POC1B: variants seen among roughly 807,000 people sequenced by gnomAD.
POC1B encodes the protein POC1 centriolar protein homolog B.
A neutral mutation model predicts 60.6 loss-of-function variants in POC1B; 44 were observed. The ratio of observed to expected loss-of-function variants is 0.73; its 90% confidence interval spans 0.57 to 0.93. The LOEUF (loss-of-function observed/expected upper bound fraction) is 0.93, where lower values mean the gene tolerates loss of function less well. Ranked by LOEUF, POC1B falls within the 40% of genes least tolerant of loss-of-function variation. The probability of loss-of-function intolerance (pLI) is 0.00; values close to 1 mark genes in which losing one functional copy is unlikely to be tolerated. For synonymous variants in POC1B, 180 were observed against 198.9 expected, an observed-to-expected ratio of 0.90 and a Z score of 0.80; for missense variants, 555 against 572.3, an observed-to-expected ratio of 0.97 and a Z score of 0.31.
downstream of POC1B, among the ~76,000 whole-genome samples, chr12:89,418,571 T>TG (rs1246125074): frequency 6.6e-6 from 1 of 152,130 alleles, no homozygotes; most frequent in Non-Finnish European, 1.5e-5. Context: ...CTGTTGGAGA[T>TG]GGGGCTTAAG....
the POC1B span, among the ~76,000 whole-genome samples, chr12:89,402,338 T>TACACAC: frequency 4.7e-5 from 7 of 148,928 alleles, no homozygotes; most frequent in African/African-American, 1.2e-4. Flanking sequence ...TTATCACAAA[T>TACACAC]ACACACACAC....
chr12:89,403,959 C>T, the POC1B span, among the ~76,000 whole-genome samples: 1 of 152,068 alleles, frequency 6.6e-6, no homozygotes, highest in Non-Finnish European at 1.5e-5. Context: ...ATGGGGAAAC[C>T]CTGTCTCTAC....
chr12:89,471,739 A>AAGAATAAG lies in POC1B; in HGVS notation c.561-18_561-11dup. 6.8e-7 allele frequency: 1 copy of AAGAATAAG among 1,465,782 alleles called. No homozygotes were observed. Among genetic ancestry groups the AAGAATAAG allele is most frequent in the Non-Finnish European group, 9.3e-7 (1 of 1,070,024 alleles). 90.8% of individuals were successfully genotyped at this position (1,465,782 alleles called of 1,614,324 possible). A position where few individuals can be genotyped will look rare whatever the true frequency, so the allele number is the denominator to read the frequency against. The stretch of plus-strand genomic sequence containing the variant: ...CACAAAATTTGCAAATCTAGGAGGA[A>AAGAATAAG]AGAATAAGATGACCTAATATTTCAA... On this transcript the variant is annotated splice_polypyrimidine_tract_variant and intron_variant, in intron 5 of 11. Transcript: ENST00000313546.
chr12:89,419,925 C>A lies in POC1B; in HGVS notation c.*1228G>T, dbSNP rs990936593. On this transcript the variant is annotated 3_prime_UTR_variant, in exon 12 of 12. Transcript: ENST00000313546. Reference sequence around the variant, plus strand: ...AACACACAATAAGATACTTAGAAACCCATCTCATAGATACAATTGAAATTT... The same window carrying A: ...AACACACAATAAGATACTTAGAAACACATCTCATAGATACAATTGAAATTT... The A allele has an allele frequency of 6.6e-6, 1 of 152,028 alleles. No homozygotes were observed. Among genetic ancestry groups the A allele is most frequent in the Non-Finnish European group, 1.5e-5 (1 of 67,998 alleles). 9.4% of individuals were successfully genotyped at this position (152,028 alleles called of 1,614,324 possible).
At chr12:89,470,627 T>C (rs1882854009) in intron 6 of POC1B, 133 bp from the exon 7 acceptor site, 1 of 589,518 alleles carries the variant, frequency 1.7e-6, no homozygotes, top group African/African-American at 1.9e-5. Context: ...TATGGCTCAC[T>C]AAAACGAGTA....
chr12:89,446,637 A>G (rs1243105201), intron 10 of POC1B, among the ~76,000 whole-genome samples: 2 of 152,110 alleles, frequency 1.3e-5, no homozygotes, highest in Non-Finnish European at 2.9e-5. Flanking sequence ...GCATTAGGAG[A>G]TATACCTAAT....
chr12:89,497,928 C>T (rs1592628733), intron 2 of POC1B, among the ~76,000 whole-genome samples: 1 of 152,136 alleles, frequency 6.6e-6, no homozygotes, highest in African/African-American at 2.4e-5. Context: ...CGTAAACCCA[C>T]ACACACAAAC....
chr12:89,429,337 T>A lies in POC1B; in HGVS notation c.1114-3958A>T, dbSNP rs530068682. The A allele has an allele frequency of 4.6e-5, 7 of 152,340 alleles. No homozygotes were observed. The East Asian group carries it at 1.4e-3, about 29-fold the overall frequency. The allele number at this position is 152,340 out of a possible 1,614,324, so 9.4% of individuals were successfully genotyped here. ...ACCTAGGTATTAGCAGATAGCTTTCTACCAACTAACCCTGTCTTTACATCC... is the reference window on the plus strand; with the variant it reads ...ACCTAGGTATTAGCAGATAGCTTTCAACCAACTAACCCTGTCTTTACATCC... On this transcript the variant is annotated intron_variant, in intron 10 of 11. Transcript: ENST00000313546.
chr12:89,491,838 G>T (rs1868993247), intron 4 of POC1B, 98 bp downstream of exon 4: 3 of 987,084 alleles, frequency 3.0e-6, no homozygotes, highest in Admixed American at 2.9e-5. Context: ...TTGAATGAAT[G>T]AATGAATATG....
chr12:89,503,989 G>C (rs1282410037), intron 2 of POC1B, among the ~76,000 whole-genome samples: 1 of 137,374 alleles, frequency 7.3e-6, no homozygotes, highest in Admixed American at 7.3e-5. Flanking sequence ...GAGGGAGGTG[G>C]GGGGCGCCTC....
rs751289047 is a variant in POC1B, at chr12:89,524,432, G to T, written c.100+688C>A. 4.7e-5 allele frequency: 76 copies of T among 1,613,802 alleles called. No individual in the cohort carries two copies. Among genetic ancestry groups the T allele is most frequent in the Non-Finnish European group, 6.2e-5 (73 of 1,179,900 alleles). Reference sequence around the variant, plus strand: ...CTTCTTGACCCCAGCTCCCTGGCACGGCCGGCTCCTGCGGAGGCATGAAAA... The same window carrying T: ...CTTCTTGACCCCAGCTCCCTGGCACTGCCGGCTCCTGCGGAGGCATGAAAA... On this transcript the variant is annotated intron_variant, in intron 2 of 11. Transcript: ENST00000313546.
intron 2 of POC1B, 142 bp downstream of exon 2, chr12:89,524,978 G>A: frequency 5.4e-6 from 7 of 1,301,226 alleles, no homozygotes; most frequent in Admixed American, 2.4e-5. Flanking sequence ...GCCCCGCCGC[G>A]CTGGGCCCTC....
intron 4 of POC1B, among the ~76,000 whole-genome samples, chr12:89,476,759 T>TAGACAGACAGACAGACAGAC (rs1167476204): frequency 1.4e-4 from 8 of 58,630 alleles, no homozygotes; most frequent in East Asian, 1.2e-3. Context: ...GATAGATAGA[T>TAGACAGACAGACAGACAGAC]AGACAGACAG....
At chr12:89,458,856 G>A (rs962846912) in intron 10 of POC1B, among the ~76,000 whole-genome samples, 2 of 152,166 alleles carry the variant, frequency 1.3e-5, no homozygotes, top group Non-Finnish European at 2.9e-5. Context: ...CTGTGGCAGT[G>A]ATTTGCCTTG....
the POC1B span, among the ~76,000 whole-genome samples, chr12:89,408,231 A>C: frequency 6.6e-6 from 1 of 152,114 alleles, no homozygotes; most frequent in African/African-American, 2.4e-5. Flanking sequence ...GTTGGTTCCA[A>C]GTCTTTGCTA....
chr12:89,458,589 T>A (rs1882350257), intron 10 of POC1B, among the ~76,000 whole-genome samples: 1 of 152,172 alleles, frequency 6.6e-6, no homozygotes, highest in Admixed American at 6.5e-5. Context: ...GACCCTTGAA[T>A]AATTAGAATG....
chr12:89,523,635 T>G (rs1284554128), intron 2 of POC1B: 2 of 1,540,826 alleles, frequency 1.3e-6, no homozygotes, highest in African/African-American at 1.4e-5. Context: ...TGGTAGGTGA[T>G]CTGATGGGGT....
chr12:89,471,558 G>C, intron 6 of POC1B, 56 bp downstream of exon 6: 1 of 1,355,086 alleles, frequency 7.4e-7, no homozygotes, highest in South Asian at 1.2e-5. Context: ...AGGAGAATCA[G>C]TCCTTCCAAA....
the POC1B span, among the ~76,000 whole-genome samples, chr12:89,410,406 G>A: frequency 0.53 from 80,943 of 152,024 alleles, 23,122 homozygotes; most frequent in Non-Finnish European, 0.64. Context: ...AAGGTCGGGC[G>A]CGGTGGCTCA....
Sources: allele counts gnomAD v4.1 joint callset (sites outside exome capture counted in the v4.1 genomes callset), GRCh38; gene constraint gnomAD v4.1.1; transcripts MANE v1.5; gene names NCBI Gene and HGNC (gene_info 2026-07-23, HGNC 2026-07-21).